TCP10L: variants seen among roughly 807,000 people sequenced by gnomAD.
The protein encoded by TCP10L is t-complex 10 like.
In TCP10L, 11 loss-of-function variants were observed where a neutral mutation model predicts 19.2. The ratio of observed to expected loss-of-function variants is 0.57; its 90% CI spans 0.36 to 0.95. The LOEUF is 0.95. Among genes scored for constraint, TCP10L ranks in the 40% least tolerant of loss-of-function variants. The pLI, the probability that TCP10L is intolerant of heterozygous loss-of-function variation, is 0.01. For missense variants in TCP10L, 247 were observed against 263.9 expected, an observed-to-expected ratio of 0.94 and a Z score of 0.44; for synonymous variants, 96 against 97.2, an observed-to-expected ratio of 0.99 and a Z score of 0.07.
chr21:32,576,267 C>T lies in TCP10L; in HGVS notation c.*507G>A. 4 of 1,575,242 alleles carry T rather than the reference C, an allele frequency of 2.5e-6. No individual in the cohort carries two copies. Among genetic ancestry groups the T allele is most frequent in the Non-Finnish European group, 3.5e-6 (4 of 1,151,492 alleles). ...GCAGCATGGCGGCCTGGGAAGCCTGCACTGGTGATTTTCTGCCACTCAAGT... is the reference window on the plus strand; with the variant it reads ...GCAGCATGGCGGCCTGGGAAGCCTGTACTGGTGATTTTCTGCCACTCAAGT... On this transcript the variant is annotated 3_prime_UTR_variant, in exon 5 of 5. Transcript: ENST00000300258.
Position 32,582,185 on chromosome 21 carries a change from A to C in TCP10L, c.360+15T>G, listed in dbSNP as rs1370018781. Reference sequence around the variant, plus strand: ...TAACGCAAACGGTACAAAAACATAAATGCGCTTTTGGTACCAGAGTGTGCG... The same window carrying C: ...TAACGCAAACGGTACAAAAACATAACTGCGCTTTTGGTACCAGAGTGTGCG... On this transcript the variant is annotated intron_variant, in intron 3 of 4. Coordinates refer to ENST00000300258, the MANE Select transcript of TCP10L (RefSeq NM_144659.7). This position sits in a 1 kb window ranked among gnomAD's most constrained non-coding sequence, Gnocchi z 4.2. 1 of 1,611,310 alleles carries C rather than the reference A, an allele frequency of 6.2e-7. No individual in the cohort carries two copies. The highest frequency in any genetic ancestry group is 1.1e-5 in the South Asian group (1 of 90,616).
At chr21:32,581,123 GAGA>G (rs1261602146) in intron 3 of TCP10L, among the ~76,000 whole-genome samples, 1 of 152,182 alleles carries the variant, frequency 6.6e-6, no homozygotes, top group Non-Finnish European at 1.5e-5. Context: ...GCTGGATGTC[GAGA>G]AGAACACACC....
At position 32,574,635 on chromosome 21, in the gene TCP10L, GA is replaced by G; in HGVS notation, c.*2138del. 5.4e-6 allele frequency: 1 copy of G among 185,924 alleles called. No individual in the cohort carries two copies. 11.5% of individuals were successfully genotyped at this position (185,924 alleles called of 1,614,324 possible). Reference sequence around the variant, plus strand: ...AACTCATCAGGTTGAACGTGGCTGAGAAATCCACCTTCAGAACTCTCTAAGA... The same window carrying G: ...AACTCATCAGGTTGAACGTGGCTGAGAATCCACCTTCAGAACTCTCTAAGA... On this transcript the variant is annotated 3_prime_UTR_variant, in exon 5 of 5. Transcript: ENST00000300258.
In TCP10L at chr21:32,582,572, T is replaced by G; in HGVS notation, c.145-157A>C. ...AACAGGACTACCACAGCCTTTTTCTTTCTTCTTTCTTTCCTTTCTTTCTTT... is the reference window on the plus strand; with the variant it reads ...AACAGGACTACCACAGCCTTTTTCTGTCTTCTTTCTTTCCTTTCTTTCTTT... On this transcript the variant is annotated intron_variant, in intron 2 of 4. Coordinates refer to ENST00000300258, the MANE Select transcript of TCP10L (RefSeq NM_144659.7). The surrounding 1 kb of genome is among the most constrained non-coding windows in gnomAD (Gnocchi z 4.2). 1.6e-6 allele frequency: 1 copy of G among 628,702 alleles called. No homozygotes were observed. The highest frequency in any genetic ancestry group is 2.6e-6 in the Non-Finnish European group (1 of 378,844). 38.9% of individuals were successfully genotyped at this position (628,702 alleles called of 1,614,324 possible).
At chr21:32,577,025 T>A in intron 4 of TCP10L, 102 bp from the exon 5 acceptor site, 2 of 1,233,410 alleles carry the variant, frequency 1.6e-6, no homozygotes, top group Non-Finnish European at 2.3e-6. Context: ...TAGATGATTC[T>A]ACTCCCCCTT....
chr21:32,583,680 G>A lies in TCP10L; in HGVS notation c.144+481C>T, dbSNP rs531469175. Reference sequence around the variant, plus strand: ...TTCCCCTGGGATCCTTCACTGGATCGTAGAGCCTCCAGCCTTGCTCTGAGA... The same window carrying A: ...TTCCCCTGGGATCCTTCACTGGATCATAGAGCCTCCAGCCTTGCTCTGAGA... On this transcript the variant is annotated intron_variant, in intron 2 of 4. Coordinates refer to ENST00000300258, the MANE Select transcript of TCP10L (RefSeq NM_144659.7). Among the ~76,000 whole-genome samples, 671 of 151,756 alleles carry A rather than the reference G, an allele frequency of 4.4e-3. 15 individuals are homozygous for A. Among genetic ancestry groups the A allele is most frequent in the South Asian group, 2.5e-3 (12 of 4,796 alleles).
intron 1 of TCP10L, 95 bp downstream of exon 1, chr21:32,585,326 G>T: frequency 3.6e-6 from 1 of 277,468 alleles, no homozygotes; most frequent in South Asian, 3.4e-5. Context: ...CTCCTCTGAG[G>T]GGACACCCCA....
rs1362566186 is a variant in TCP10L, at chr21:32,576,603, G to T, written c.*171C>A. The T allele has an allele frequency of 4.0e-6, 3 of 743,384 alleles. No homozygotes were observed. The highest frequency in any genetic ancestry group is 3.6e-5 in the African/African-American group (2 of 56,150). The allele number at this position is 743,384 out of a possible 1,614,324, so 46.0% of individuals were successfully genotyped here. A position where few individuals can be genotyped will look rare whatever the true frequency, so the allele number is the denominator to read the frequency against. Reference sequence around the variant, plus strand: ...TTATAGCATTAGAGACATGTCTGAAGAACTTCAAGTTTTTATCTATAGAAA... The same window carrying T: ...TTATAGCATTAGAGACATGTCTGAATAACTTCAAGTTTTTATCTATAGAAA... On this transcript the variant is annotated 3_prime_UTR_variant, in exon 5 of 5. Coordinates refer to ENST00000300258, the MANE Select transcript of TCP10L (RefSeq NM_144659.7).
At position 32,576,534 on chromosome 21, in the gene TCP10L, A is replaced by G; in HGVS notation, c.*240T>C. On this transcript the variant is annotated 3_prime_UTR_variant, in exon 5 of 5. Transcript: ENST00000300258. ...CAGAAATATACCAACTACAGAGCTC[A>G]GGAAAGCAACTGATTTATAAAACCC... 1.6e-6 allele frequency: 1 copy of G among 611,802 alleles called. No individual in the cohort carries two copies. The highest frequency in any genetic ancestry group is 2.5e-5 in the South Asian group (1 of 40,274). The allele number at this position is 611,802 out of a possible 1,614,324, so 37.9% of individuals were successfully genotyped here.
chr21:32,583,221 G>A (rs1451423748), intron 2 of TCP10L, among the ~76,000 whole-genome samples: 1 of 151,692 alleles, frequency 6.6e-6, no homozygotes, highest in Non-Finnish European at 1.5e-5. Context: ...TGTTAGTAGA[G>A]ACAGGGTTTT....
rs772331555 is a variant in TCP10L at position 32,576,473 on chromosome 21, A to G, written c.*301T>C. 7 of 640,106 alleles carry G rather than the reference A, an allele frequency of 1.1e-5. No individual in the cohort carries two copies. Among genetic ancestry groups the G allele is most frequent in the African/African-American group, 1.8e-5 (1 of 54,548 alleles). 39.7% of individuals were successfully genotyped at this position (640,106 alleles called of 1,614,324 possible). A position where few individuals can be genotyped will look rare whatever the true frequency, so the allele number is the denominator to read the frequency against. On this transcript the variant is annotated 3_prime_UTR_variant, in exon 5 of 5. Coordinates refer to ENST00000300258, the MANE Select transcript of TCP10L (RefSeq NM_144659.7). ...GGCTCACCCAACAGCCCGACACTCCATACTACAAGGTGGGTTAATTTTTTT... is the reference window on the plus strand; with the variant it reads ...GGCTCACCCAACAGCCCGACACTCCGTACTACAAGGTGGGTTAATTTTTTT...
intron 1 of TCP10L, 127 bp from the exon 2 acceptor site, chr21:32,584,432 G>T: frequency 7.4e-7 from 1 of 1,358,762 alleles, no homozygotes; most frequent in Non-Finnish European, 9.7e-7. Context: ...CTCCCCCTGG[G>T]TCATGTGCAC....
In TCP10L at chr21:32,578,941, G is replaced by A; in HGVS notation, c.361-110C>T. The A allele has an allele frequency of 6.5e-7, 1 of 1,537,330 alleles. No individual in the cohort carries two copies. Among genetic ancestry groups the A allele is most frequent in the African/African-American group, 1.4e-5 (1 of 72,048 alleles). The stretch of plus-strand genomic sequence containing the variant: ...TGTCCTAGAAAAAAATAGGGTACAA[G>A]GTAGGGGGACTTGGACTGGGTTTTC... On this transcript the variant is annotated intron_variant, in intron 3 of 4. Coordinates refer to ENST00000300258, the MANE Select transcript of TCP10L (RefSeq NM_144659.7). The surrounding 1 kb of genome is among the most constrained non-coding windows in gnomAD (Gnocchi z 4.2).
At chr21:32,585,159 AAG>A (rs2038547477) in intron 1 of TCP10L, among the ~76,000 whole-genome samples, 2 of 152,200 alleles carry the variant, frequency 1.3e-5, no homozygotes, top group African/African-American at 2.4e-5. Flanking sequence ...TGCTATTTAA[AAG>A]AGAGTCTCCT....
intron 3 of TCP10L, among the ~76,000 whole-genome samples, chr21:32,579,398 G>T (rs552211657): frequency 2.0e-5 from 3 of 152,304 alleles, no homozygotes; most frequent in South Asian, 2.1e-4. Flanking sequence ...CTTAATATCA[G>T]ATCCAGAGTG....
intron 3 of TCP10L, among the ~76,000 whole-genome samples, chr21:32,581,280 A>C (rs1026217646): frequency 9.2e-5 from 14 of 152,078 alleles, no homozygotes; most frequent in African/African-American, 3.4e-4. Flanking sequence ...TTCCCACTCC[A>C]TCTCCCTTCT....
In TCP10L at chr21:32,578,588, T is replaced by A; in HGVS notation, c.498+106A>T. On this transcript the variant is annotated intron_variant, in intron 4 of 4. Coordinates refer to ENST00000300258, the MANE Select transcript of TCP10L (RefSeq NM_144659.7). This position sits in a 1 kb window ranked among gnomAD's most constrained non-coding sequence, Gnocchi z 4.2. Reference sequence around the variant, plus strand: ...GAACACAGGACTCCAGGGAGCACCATGCTCACCCAGGGAGGTGAAATTGTG... The same window carrying A: ...GAACACAGGACTCCAGGGAGCACCAAGCTCACCCAGGGAGGTGAAATTGTG... 6.7e-7 allele frequency: 1 copy of A among 1,488,398 alleles called. No individual in the cohort carries two copies. Among genetic ancestry groups the A allele is most frequent in the Non-Finnish European group, 9.1e-7 (1 of 1,103,334 alleles). 92.2% of individuals were successfully genotyped at this position (1,488,398 alleles called of 1,614,324 possible).
In TCP10L at chr21:32,576,387, G is replaced by A; in HGVS notation, c.*387C>T. 1 of 1,111,636 alleles carries A rather than the reference G, an allele frequency of 9.0e-7. No homozygotes were observed. The highest frequency in any genetic ancestry group is 1.6e-5 in the South Asian group (1 of 64,148). 68.9% of individuals were successfully genotyped at this position (1,111,636 alleles called of 1,614,324 possible). A position where few individuals can be genotyped will look rare whatever the true frequency, so the allele number is the denominator to read the frequency against. On this transcript the variant is annotated 3_prime_UTR_variant, in exon 5 of 5. Transcript: ENST00000300258. Reference sequence around the variant, plus strand: ...GTCCCTGGAGCGGGCAATGCCTTGAGCCCAAAGGCTGGGAGCACAAAGCCA... The same window carrying A: ...GTCCCTGGAGCGGGCAATGCCTTGAACCCAAAGGCTGGGAGCACAAAGCCA...
intron 3 of TCP10L, among the ~76,000 whole-genome samples, chr21:32,579,035 G>A (rs1352847373): frequency 1.3e-5 from 2 of 152,210 alleles, no homozygotes; most frequent in Non-Finnish European, 2.9e-5. Flanking sequence ...TGGAGCCGAT[G>A]TTTGCTTTGT....
Sources: gnomAD v4.1 joint callset for allele counts (sites outside exome capture counted in the v4.1 genomes callset) on GRCh38, gnomAD v4.1.1 for gene constraint, Gnocchi (gnomAD v3.1) non-coding constraint, MANE v1.5 for transcripts, NCBI Gene and HGNC (gene_info 2026-07-23, HGNC 2026-07-21) for gene names.